Variants in EGFR observed in about 807,000 individuals in gnomAD.
EGFR encodes the protein avian erythroblastic leukemia viral (v-erb-b) oncogene homolog.
A neutral mutation model predicts 143.0 loss-of-function variants in EGFR; 58 were observed. The observed-to-expected ratio is 0.41, with a 90% CI of 0.33 to 0.50. The LOEUF (loss-of-function observed/expected upper bound fraction) is 0.50. Among genes scored for constraint, EGFR ranks in the 20% least tolerant of loss-of-function variants. The pLI, the probability that EGFR is intolerant of heterozygous loss-of-function variation, is 0.39. For synonymous variants in EGFR, 613 were observed against 594.4 expected (o/e 1.03, Z -0.45); for missense variants, 1,307 against 1,579.0 (o/e 0.83, Z 2.92).
intron 6 of EGFR, 107 bp from the exon 7 acceptor site, chr7:55,153,904 A>G (rs2128934620): frequency 6.5e-7 from 1 of 1,537,562 alleles, no homozygotes; most frequent in Non-Finnish European, 9.0e-7. Context: ...CTGCAAAGAC[A>G]GTAACTTGGG....
chr7:55,069,325 G>A (rs751771574), intron 1 of EGFR, among the ~76,000 whole-genome samples: 11 of 152,120 alleles, frequency 7.2e-5, no homozygotes, highest in Non-Finnish European at 1.3e-4. Flanking sequence ...CTCCAGCAAG[G>A]GATACTTTTT....
At chr7:55,121,920 C>A (rs1227283847) in intron 1 of EGFR, among the ~76,000 whole-genome samples, 8 of 152,248 alleles carry the variant, frequency 5.3e-5, no homozygotes, top group Non-Finnish European at 1.2e-4. Context: ...CAGTTCCCTG[C>A]TGCCCAGTTC....
chr7:55,182,750 C>T (rs1044029268), intron 20 of EGFR, among the ~76,000 whole-genome samples: 2 of 152,170 alleles, frequency 1.3e-5, no homozygotes, highest in African/African-American at 4.8e-5. Context: ...GTGGGGAGCG[C>T]TCATGCTTCT....
intron 1 of EGFR, among the ~76,000 whole-genome samples, chr7:55,111,909 G>A (rs146900824): frequency 3.4e-4 from 52 of 152,280 alleles, no homozygotes; most frequent in East Asian, 2.3e-3. Context: ...ACAGCATCTC[G>A]TTTAACCAGC....
chr7:55,135,893 A>G (rs187329531), intron 1 of EGFR, among the ~76,000 whole-genome samples: 10 of 151,320 alleles, frequency 6.6e-5, no homozygotes, highest in Middle Eastern at 3.5e-3. Context: ...GATTTTTGTA[A>G]ATTTTTTACA....
Position 55,036,280 on chromosome 7 carries a change from G to GT in EGFR, c.88+16915_88+16916insT, listed in dbSNP as rs1431240362. ...CAAGTTTGTGTGTGTGTGGGGGGGG[G>GT]GGGGTGGGTGTGTGTGTGTACCACT... On this transcript the variant is annotated intron_variant, in intron 1 of 27. Transcript: ENST00000275493. Among the ~76,000 whole-genome samples the GT allele has an allele frequency of 3.5e-5, 3 of 86,232 alleles. 1 individual carries two copies. The highest frequency in any genetic ancestry group is 8.2e-5 in the African/African-American group (2 of 24,440). The allele number at this position is 86,232 out of a possible 152,430, so 56.6% of individuals were successfully genotyped here. A position where few individuals can be genotyped will look rare whatever the true frequency, so the allele number is the denominator to read the frequency against.
rs777186292 is a variant in EGFR, at chr7:55,142,314, G to A, written c.117G>A (p.Thr39=). The A allele has an allele frequency of 6.2e-6, 10 of 1,614,066 alleles. No homozygotes were observed. Among genetic ancestry groups the A allele is most frequent in the South Asian group, 2.2e-5 (2 of 91,080 alleles). The stretch of plus-strand genomic sequence containing the variant: ...GCCAAGGCACGAGTAACAAGCTCAC[G>A]CAGTTGGGCACTTTTGAAGATCATT... ...KVCQGTSNKL[T]QLGTFEDHFL... The change falls in exon 2 of 28, where the codon ACG becomes ACA. Residue 39 remains threonine (T), a synonymous_variant. Coordinates refer to ENST00000275493, the MANE Select transcript of EGFR (RefSeq NM_005228.5).
At chr7:55,049,641 CTGCTTCATG>C (rs1562668840) in intron 1 of EGFR, among the ~76,000 whole-genome samples, 1 of 152,152 alleles carries the variant, frequency 6.6e-6, no homozygotes, top group Non-Finnish European at 1.5e-5. Flanking sequence ...TCTCTGATGA[CTGCTTCATG>C]CTCCTTCCAC....
chr7:55,086,033 T>TA (rs764595027), intron 1 of EGFR, among the ~76,000 whole-genome samples: 5 of 152,182 alleles, frequency 3.3e-5, no homozygotes, highest in Non-Finnish European at 5.9e-5. Flanking sequence ...AAACCACTAT[T>TA]AACTACCTTA....
At chr7:55,199,975 G>A (rs537525201) in intron 23 of EGFR, among the ~76,000 whole-genome samples, 1 of 152,348 alleles carries the variant, frequency 6.6e-6, no homozygotes, top group African/African-American at 2.4e-5. Flanking sequence ...CCTTGGTGCA[G>A]GGCACCCTGC....
intron 1 of EGFR, among the ~76,000 whole-genome samples, chr7:55,069,503 C>T (rs1258504910): frequency 1.3e-5 from 2 of 152,222 alleles, no homozygotes; most frequent in Non-Finnish European, 1.5e-5. Context: ...GCCCTGGTGA[C>T]CAAGCACATC....
chr7:55,072,022 A>G (rs74453505), intron 1 of EGFR, among the ~76,000 whole-genome samples: 4,257 of 151,708 alleles, frequency 0.028, 190 homozygotes, highest in African/African-American at 0.097. Flanking sequence ...GAGACCTGAA[A>G]TACTTTCGCA....
At chr7:55,118,687 G>T (rs1056534512) in intron 1 of EGFR, among the ~76,000 whole-genome samples, 7 of 152,228 alleles carry the variant, frequency 4.6e-5, no homozygotes, top group Admixed American at 3.9e-4. Flanking sequence ...TCAGAGCCAT[G>T]GGTGACAGCT....
At chr7:55,021,869 C>T (rs1448437162) in intron 1 of EGFR, among the ~76,000 whole-genome samples, 7 of 152,168 alleles carry the variant, frequency 4.6e-5, no homozygotes, top group Admixed American at 6.5e-5. Context: ...GTGACTTTCC[C>T]ACAGCTGGTG....
chr7:55,072,778 T>A (rs1411208099), intron 1 of EGFR, among the ~76,000 whole-genome samples: 1 of 152,206 alleles, frequency 6.6e-6, no homozygotes, highest in African/African-American at 2.4e-5. Flanking sequence ...CTTAAAGTAA[T>A]CCTTAAAAAG....
chr7:55,104,402 A>G (rs1401199885), intron 1 of EGFR, among the ~76,000 whole-genome samples: 1 of 152,138 alleles, frequency 6.6e-6, no homozygotes, highest in Middle Eastern at 3.2e-3. Context: ...GTGGAGCCCC[A>G]TGGATTCTGA....
In EGFR at chr7:55,182,719, C is replaced by T. The variant is rs557661307; in HGVS notation, c.2469+1241C>T. Among the ~76,000 whole-genome samples the T allele has an allele frequency of 7.6e-4, 116 of 152,276 alleles. 2 individuals carry two copies. In the South Asian group the frequency reaches 0.021, roughly 27 times the overall value. On this transcript the variant is annotated intron_variant, in intron 20 of 27. Coordinates refer to ENST00000275493, the MANE Select transcript of EGFR (RefSeq NM_005228.5). The stretch of plus-strand genomic sequence containing the variant: ...TTGATATCTCAGCTGCAGCCACAGG[C>T]GGCCCCCAGCACCCCAGGAAGTGGG...
chr7:55,110,748 G>A (rs1454623305), intron 1 of EGFR, among the ~76,000 whole-genome samples: 1 of 152,138 alleles, frequency 6.6e-6, no homozygotes. Flanking sequence ...ACCGATTTTA[G>A]CCCCGCTCTC....
intron 1 of EGFR, among the ~76,000 whole-genome samples, chr7:55,096,605 C>T (rs1394519821): frequency 6.6e-6 from 1 of 152,194 alleles, no homozygotes; most frequent in Non-Finnish European, 1.5e-5. Context: ...TGTTTTTCCA[C>T]TCTGAAATAA....
Sources: gnomAD v4.1 joint callset for allele counts (sites outside exome capture counted in the v4.1 genomes callset) on GRCh38, gnomAD v4.1.1 for gene constraint, MANE v1.5 for transcripts, NCBI Gene and HGNC (gene_info 2026-07-23, HGNC 2026-07-21) for gene names.